Variants in SLC15A1 observed in about 807,000 individuals in gnomAD.
SLC15A1 encodes solute carrier family 15 member 1.
A neutral mutation model predicts 92.9 loss-of-function variants in SLC15A1; 83 were observed. That is an observed-to-expected ratio of 0.89 (90% confidence interval 0.75 to 1.07). The LOEUF (loss-of-function observed/expected upper bound fraction) is 1.07, where lower values mean the gene tolerates loss of function less well. Among genes scored for constraint, SLC15A1 ranks in the 50% least tolerant of loss-of-function variants. The pLI, the probability that SLC15A1 is intolerant of heterozygous loss-of-function variation, is 0.00. For synonymous variants in SLC15A1, 322 were observed against 318.2 expected (o/e 1.01, Z -0.13); for missense variants, 857 against 880.1 (o/e 0.97, Z 0.33).
At chr13:98,741,681 A>G (rs376060515) in intron 1 of SLC15A1, among the ~76,000 whole-genome samples, 1 of 148,714 alleles carries the variant, frequency 6.7e-6, no homozygotes, top group African/African-American at 2.5e-5. Flanking sequence ...CTGAGATCAT[A>G]CTACCGCACT....
intron 5 of SLC15A1, among the ~76,000 whole-genome samples, chr13:98,722,507 T>G (rs907737340): frequency 1.3e-5 from 2 of 152,250 alleles, no homozygotes; most frequent in Non-Finnish European, 2.9e-5. Flanking sequence ...TAGCATTTAT[T>G]GACCCTCACT....
chr13:98,686,401 G>A lies in SLC15A1; in HGVS notation c.1828-104C>T, dbSNP rs1323385594. On this transcript the variant is annotated intron_variant, in intron 21 of 22. Coordinates refer to ENST00000376503, the MANE Select transcript of SLC15A1 (RefSeq NM_005073.4). The stretch of plus-strand genomic sequence containing the variant: ...TCGTGAAGCAGATCACCCTAACAAT[G>A]CACACGAAAAGTCAGGTGGCCTCAA... 1.6e-5 allele frequency: 12 copies of A among 760,960 alleles called. No individual in the cohort carries two copies. The Admixed American group carries it at 2.5e-4, about 16-fold the overall frequency. 47.1% of individuals were successfully genotyped at this position (760,960 alleles called of 1,614,324 possible). A position where few individuals can be genotyped will look rare whatever the true frequency, so the allele number is the denominator to read the frequency against.
chr13:98,721,521 G>A lies in SLC15A1; in HGVS notation c.530C>T (p.Ser177Phe). ...TCTGAGCATGGGTGTGATGATTGTGGAAAGCAAACTTCCAGCATTAATAGC... is the reference window on the plus strand; with the variant it reads ...TCTGAGCATGGGTGTGATGATTGTGAAAAGCAAACTTCCAGCATTAATAGC... ...YLAINAGSLL[S>F]TIITPMLRVQ... is the part of the protein sequence containing the mutation. The change falls in exon 7 of 23, where the codon TCC (serine) becomes TTC (phenylalanine). Residue 177 changes from serine (S) to phenylalanine (F), a missense_variant. Coordinates refer to ENST00000376503, the MANE Select transcript of SLC15A1 (RefSeq NM_005073.4). 1 of 1,613,324 alleles carries A rather than the reference G, an allele frequency of 6.2e-7. No individual in the cohort carries two copies. Among genetic ancestry groups the A allele is most frequent in the Non-Finnish European group, 8.5e-7 (1 of 1,179,552 alleles).
rs187756848 is a variant in SLC15A1, at chr13:98,705,128, G to A, written c.1270-693C>T. Among the ~76,000 whole-genome samples, 339 of 150,148 alleles carry A rather than the reference G, an allele frequency of 2.3e-3. 3 individuals carry two copies. The highest frequency in any genetic ancestry group is 0.015 in the South Asian group (70 of 4,760). On this transcript the variant is annotated intron_variant, in intron 16 of 22. Coordinates refer to ENST00000376503, the MANE Select transcript of SLC15A1 (RefSeq NM_005073.4). The stretch of plus-strand genomic sequence containing the variant: ...GCATGAGAATCGCTTAAACCCAGGA[G>A]GCAGAGGTTACAGTGAGCCAAGATA...
chr13:98,709,709 C>T, intron 13 of SLC15A1, 33 bp downstream of exon 13: 8 of 1,614,168 alleles, frequency 5.0e-6, no homozygotes, highest in Non-Finnish European at 6.8e-6. Flanking sequence ...AAAGACGACT[C>T]TGATCCCTGA....
Position 98,712,519 on chromosome 13 carries a change from G to T in SLC15A1, c.789C>A (p.Asp263Glu). The change falls in exon 10 of 23, where the codon GAC becomes GAA. Residue 263 changes from aspartate to glutamate, a missense_variant. Physicochemically the swap from Asp to Glu is conservative, Grantham distance 45 (BLOSUM62 2). Transcript: ENST00000376503. ...TTACATCGTATTTCTCTTTAGCCCA[G>T]TCCAGCCAGTGCTCCCTCTTGGGAA... is the stretch of plus-strand genomic sequence containing the variant. ...KAFPKREHWL[D>E]WAKEKYDERL... 4 of 1,611,998 alleles carry T rather than the reference G, an allele frequency of 2.5e-6. No homozygotes were observed. The highest frequency in any genetic ancestry group is 3.4e-6 in the Non-Finnish European group (4 of 1,178,842).
chr13:98,691,902 C>T lies in SLC15A1; in HGVS notation c.1467-3325G>A, dbSNP rs577244429. Among the ~76,000 whole-genome samples, 8 of 151,958 alleles carry T rather than the reference C, an allele frequency of 5.3e-5. No homozygotes were observed. In the East Asian group the frequency reaches 1.2e-3, roughly 22 times the overall value. On this transcript the variant is annotated intron_variant, in intron 18 of 22. Coordinates refer to ENST00000376503, the MANE Select transcript of SLC15A1 (RefSeq NM_005073.4). ...CAGCCTGACCAACATGGAGAAATCC[C>T]GTCTCTACTAAAAATACAAAATTAG...
intron 1 of SLC15A1, among the ~76,000 whole-genome samples, chr13:98,749,502 A>G (rs1451175233): frequency 6.6e-6 from 1 of 152,132 alleles, no homozygotes; most frequent in Admixed American, 6.5e-5. Context: ...GTGGGGTGGG[A>G]GGAAAGAGAT....
At chr13:98,742,216 A>G (rs2088453992) in intron 1 of SLC15A1, among the ~76,000 whole-genome samples, 1 of 152,148 alleles carries the variant, frequency 6.6e-6, no homozygotes, top group Non-Finnish European at 1.5e-5. Flanking sequence ...CTCACAAGAG[A>G]GACATGGAAC....
intron 4 of SLC15A1, among the ~76,000 whole-genome samples, 166 bp downstream of exon 4, chr13:98,725,957 C>T (rs1198022196): frequency 6.6e-6 from 1 of 152,150 alleles, no homozygotes; most frequent in Admixed American, 6.5e-5. Flanking sequence ...ACTCCTGCCT[C>T]AGCCTCTCAA....
At chr13:98,718,089 G>A (rs535011162) in intron 8 of SLC15A1, among the ~76,000 whole-genome samples, 1 of 152,080 alleles carries the variant, frequency 6.6e-6, no homozygotes. Context: ...AAGTTATTGC[G>A]GTTTTTGCCA....
At position 98,703,539 on chromosome 13, in the gene SLC15A1, C is replaced by CTTT. The variant is rs771426478; in HGVS notation, c.1416+747_1416+749dup. On this transcript the variant is annotated intron_variant, in intron 17 of 22. Transcript: ENST00000376503. ...TATACCTTTGTAGCTGCTGCTGCTGCTTTTTTTTTTTTTTTTTTTTTTTTT... is the reference window on the plus strand; with the variant it reads ...TATACCTTTGTAGCTGCTGCTGCTGCTTTTTTTTTTTTTTTTTTTTTTTTTTTT... 2.8e-3 allele frequency among the ~76,000 whole-genome samples: 238 copies of CTTT among 85,472 alleles called. 13 individuals carry two copies. The highest frequency in any genetic ancestry group is 7.5e-3 in the Middle Eastern group (1 of 134). The allele number at this position is 85,472 out of a possible 152,430, so 56.1% of individuals were successfully genotyped here.
In SLC15A1 at chr13:98,688,806, C is replaced by T. The variant is rs1247760173; in HGVS notation, c.1467-229G>A. Among the ~76,000 whole-genome samples, 3 of 152,194 alleles carry T rather than the reference C, an allele frequency of 2.0e-5. No homozygotes were observed. In the East Asian group the frequency reaches 5.8e-4, roughly 29 times the overall value. On this transcript the variant is annotated intron_variant, in intron 18 of 22. Coordinates refer to ENST00000376503, the MANE Select transcript of SLC15A1 (RefSeq NM_005073.4). ...ATGTATTTAACAGTGTTTATATGTG[C>T]TGGTTACTGCTCTAAGTACTTTGTA...
chr13:98,709,399 T>C (rs2088142588), intron 14 of SLC15A1, among the ~76,000 whole-genome samples, 173 bp downstream of exon 14: 1 of 152,254 alleles, frequency 6.6e-6, no homozygotes, highest in Non-Finnish European at 1.5e-5. Flanking sequence ...CACAGCATTT[T>C]TATTTTAAAG....
chr13:98,688,277 T>C lies in SLC15A1; in HGVS notation c.1654A>G (p.Ser552Gly). The part of the protein sequence containing the change: ...NFNTFYLEFG[S>G]AYTYIVQRKN... The stretch of plus-strand genomic sequence containing the variant: ...CTTTGGACTATATAGGTATAAGCAC[T>C]ACCAAATTCAAGGTAGAAAGTATTG... The change falls in exon 20 of 23, where the codon AGT (serine) becomes GGT (glycine). Residue 552 changes from serine to glycine, a missense_variant. Coordinates refer to ENST00000376503, the MANE Select transcript of SLC15A1 (RefSeq NM_005073.4). 1.2e-6 allele frequency: 2 copies of C among 1,613,880 alleles called. No homozygotes were observed. The highest frequency in any genetic ancestry group is 2.2e-5 in the East Asian group (1 of 44,830).
intron 7 of SLC15A1, among the ~76,000 whole-genome samples, chr13:98,719,600 G>A (rs1036481364): frequency 2.0e-5 from 3 of 152,104 alleles, no homozygotes; most frequent in African/African-American, 7.2e-5. Flanking sequence ...TTTTCTTTAC[G>A]GGGGAGATAA....
At chr13:98,733,571 G>A (rs900729203) in intron 1 of SLC15A1, among the ~76,000 whole-genome samples, 4 of 152,154 alleles carry the variant, frequency 2.6e-5, no homozygotes, top group African/African-American at 9.7e-5. Flanking sequence ...TCCCACAAAA[G>A]CCCCAGGAAG....
At chr13:98,716,562 C>A (rs565142655) in intron 8 of SLC15A1, among the ~76,000 whole-genome samples, 1 of 151,074 alleles carries the variant, frequency 6.6e-6, no homozygotes, top group East Asian at 2.0e-4. Context: ...GTGGAGGCTG[C>A]AGTGAAATGA....
intron 7 of SLC15A1, among the ~76,000 whole-genome samples, chr13:98,720,289 A>G (rs2139590700): frequency 6.6e-6 from 1 of 152,356 alleles, no homozygotes; most frequent in East Asian, 1.9e-4. Context: ...TTCACTTTAT[A>G]TTTGTAAGAG....
Sources: gnomAD v4.1 joint callset for allele counts (sites outside exome capture counted in the v4.1 genomes callset) on GRCh38, gnomAD v4.1.1 for gene constraint, MANE v1.5 for transcripts, NCBI Gene and HGNC (gene_info 2026-07-23, HGNC 2026-07-21) for gene names.